LGSN: variants seen among roughly 807,000 people sequenced by gnomAD.
LGSN encodes lengsin.
In LGSN, 21 loss-of-function variants were observed where a neutral mutation model predicts 19.5. The observed-to-expected ratio is 1.07, with a 90% confidence interval of 0.76 to 1.55. LGSN has a LOEUF of 1.55. Ranked by LOEUF, LGSN falls within the 40% of genes most tolerant of loss-of-function variation. The pLI is 0.00. For missense variants in LGSN, 673 were observed against 608.5 expected (o/e 1.11, Z -1.12); for synonymous variants, 257 against 215.6 (o/e 1.19, Z -1.68).
chr6:63,357,166 AT>A, the LGSN span, among the ~76,000 whole-genome samples: 16 of 151,840 alleles, frequency 1.1e-4, no homozygotes, highest in South Asian at 4.2e-4. Context: ...TGAACTCATC[AT>A]TTTTTTATGG....
the LGSN span, among the ~76,000 whole-genome samples, chr6:63,456,346 A>AATATATATGT: frequency 7.0e-5 from 7 of 100,500 alleles, no homozygotes; most frequent in South Asian, 9.8e-4. Context: ...ACTTGGCAGA[A>AATATATATGT]ATATACATAT....
At chr6:63,363,648 G>A in the LGSN span, among the ~76,000 whole-genome samples, 1 of 152,078 alleles carries the variant, frequency 6.6e-6, no homozygotes, top group African/African-American at 2.4e-5. Context: ...GAATTTTAGA[G>A]AAAAAAGAAT....
the LGSN span, among the ~76,000 whole-genome samples, chr6:63,486,820 T>TTTATTATTATTA: frequency 1.4e-5 from 2 of 146,168 alleles, no homozygotes; most frequent in African/African-American, 5.1e-5. Flanking sequence ...GTATGTTTAT[T>TTTATTATTATTA]TTATTATTAT....
chr6:63,333,675 AG>A, the LGSN span, among the ~76,000 whole-genome samples: 3 of 150,624 alleles, frequency 2.0e-5, no homozygotes, highest in Middle Eastern at 3.2e-3. Flanking sequence ...AGGAAGGGGA[AG>A]GGGGAAACTA....
the LGSN span, among the ~76,000 whole-genome samples, chr6:63,356,291 G>T: frequency 6.6e-6 from 1 of 152,144 alleles, no homozygotes; most frequent in Admixed American, 6.6e-5. Flanking sequence ...TATAATCCCA[G>T]CACTTTGGGA....
intron 1 of LGSN, among the ~76,000 whole-genome samples, chr6:63,311,502 G>A (rs983314970): frequency 6.6e-6 from 1 of 152,062 alleles, no homozygotes; most frequent in Admixed American, 6.6e-5. Flanking sequence ...GATTTATTTG[G>A]AGCATTGTCC....
At chr6:63,544,594 G>T in the LGSN span, among the ~76,000 whole-genome samples, 1 of 152,042 alleles carries the variant, frequency 6.6e-6, no homozygotes, top group African/African-American at 2.4e-5. Flanking sequence ...GAGTGGTCAT[G>T]TCATGTTTTC....
chr6:63,335,220 A>G, the LGSN span, among the ~76,000 whole-genome samples: 10 of 152,042 alleles, frequency 6.6e-5, no homozygotes, highest in Non-Finnish European at 7.4e-5. Context: ...GGATGACTGT[A>G]TGCCAAAGAA....
intron 1 of LGSN, 69 bp downstream of exon 1, chr6:63,319,845 A>G: frequency 9.1e-7 from 1 of 1,098,408 alleles, no homozygotes; most frequent in Non-Finnish European, 1.4e-6. Context: ...CATTCAAATA[A>G]TTGACATTTT....
chr6:63,371,804 G>T, the LGSN span, among the ~76,000 whole-genome samples: 1 of 152,242 alleles, frequency 6.6e-6, no homozygotes. Flanking sequence ...TTTCTCAGGT[G>T]TGGGCTAATA....
the LGSN span, among the ~76,000 whole-genome samples, chr6:63,484,814 G>T: frequency 6.6e-6 from 1 of 152,292 alleles, no homozygotes; most frequent in East Asian, 1.9e-4. Context: ...TACTGTTATT[G>T]TGAGAATCAA....
chr6:63,419,365 C>T, the LGSN span, among the ~76,000 whole-genome samples: 8 of 152,066 alleles, frequency 5.3e-5, no homozygotes, highest in African/African-American at 1.4e-4. Flanking sequence ...TAAACGATTA[C>T]GAAGGCTTTA....
chr6:63,399,601 G>A, the LGSN span, among the ~76,000 whole-genome samples: 1 of 151,728 alleles, frequency 6.6e-6, no homozygotes, highest in Non-Finnish European at 1.5e-5. Flanking sequence ...TCACCATGTT[G>A]GGCAGGCTGA....
the LGSN span, among the ~76,000 whole-genome samples, chr6:63,421,981 C>T: frequency 2.0e-5 from 3 of 152,076 alleles, no homozygotes; most frequent in Admixed American, 6.6e-5. Flanking sequence ...CTGAGTGAAA[C>T]CCAAATGGTA....
the LGSN span, among the ~76,000 whole-genome samples, chr6:63,364,437 A>C: frequency 1.3e-5 from 2 of 152,190 alleles, no homozygotes; most frequent in South Asian, 2.1e-4. Flanking sequence ...TTCATAAAGC[A>C]GGTCCTTAGA....
chr6:63,365,450 C>T, the LGSN span, among the ~76,000 whole-genome samples: 384 of 146,410 alleles, frequency 2.6e-3, 4 homozygotes, highest in Admixed American at 0.019. Context: ...AATTAATAGC[C>T]TACCAACCAA....
At chr6:63,565,502 C>T in the LGSN span, among the ~76,000 whole-genome samples, 1 of 151,964 alleles carries the variant, frequency 6.6e-6, no homozygotes, top group Non-Finnish European at 1.5e-5. Flanking sequence ...AAAATATTAC[C>T]TCAAATGGTT....
Position 63,281,331 on chromosome 6 carries a change from A to ATATATATAT in LGSN, c.331-112_331-111insATATATATA, listed in dbSNP as rs35210619. 28 of 140,672 alleles carry ATATATATAT rather than the reference A, an allele frequency of 2.0e-4. 1 individual carries two copies. The highest frequency in any genetic ancestry group is 1.2e-3 in the Admixed American group (15 of 12,170). 8.7% of individuals were successfully genotyped at this position (140,672 alleles called of 1,614,324 possible). On this transcript the variant is annotated intron_variant, in intron 3 of 3. Transcript: ENST00000370657. The stretch of plus-strand genomic sequence containing the variant: ...TATATATATATATATATATATATAT[A>ATATATATAT]ATAAATATATATATATATGTTTAAC...
At chr6:63,385,802 T>C in the LGSN span, among the ~76,000 whole-genome samples, 2 of 152,304 alleles carry the variant, frequency 1.3e-5, no homozygotes, top group Non-Finnish European at 1.5e-5. Context: ...TTCAGAAAGA[T>C]AAGCTAATAA....
Sources: allele counts gnomAD v4.1 joint callset (sites outside exome capture counted in the v4.1 genomes callset), GRCh38; gene constraint gnomAD v4.1.1; transcripts MANE v1.5; gene names NCBI Gene and HGNC (gene_info 2026-07-23, HGNC 2026-07-21).